Variants in SUPT6H observed in about 807,000 individuals in gnomAD.
SUPT6H encodes the protein SPT6 homolog, histone chaperone and transcription elongation factor, also known as transcription elongation factor SPT6.
In SUPT6H, 11 loss-of-function variants were observed where a neutral mutation model predicts 222.3. The ratio of observed to expected loss-of-function variants is 0.05; its 90% CI spans 0.03 to 0.08. The LOEUF is 0.08. Ranked by LOEUF, SUPT6H falls within the 10% of genes least tolerant of loss-of-function variation. SUPT6H has a pLI of 1.00. For synonymous variants in SUPT6H, 762 were observed against 801.2 expected (o/e 0.95, Z 0.83); for missense variants, 1,422 against 2,216.0 (o/e 0.64, Z 7.19).
intron 28 of SUPT6H, chr17:28,694,966 T>C (rs2031829172): frequency 3.3e-5 from 6 of 183,244 alleles, no homozygotes; most frequent in Admixed American, 2.8e-4. Context: ...ATCACACCAC[T>C]GCACTCTAGT....
rs554579156 is a variant in SUPT6H, at chr17:28,683,006, C to T, written c.1792C>T (p.Arg598Cys). 8 of 1,613,926 alleles carry T rather than the reference C, an allele frequency of 5.0e-6. No individual in the cohort carries two copies. Among genetic ancestry groups the T allele is most frequent in the Admixed American group, 1.7e-5 (1 of 59,976 alleles). ...ARYMVALQIA[R>C]EPLVRQVLRQ... is the part of the protein sequence containing the mutation. Reference sequence around the variant, plus strand: ...CTACATGGTAGCCCTGCAGATTGCCCGTGAGCCCCTTGTCCGGCAGGTGCT... The same window carrying T: ...CTACATGGTAGCCCTGCAGATTGCCTGTGAGCCCCTTGTCCGGCAGGTGCT... Residue 598 changes from arginine to cysteine, a missense_variant, in exon 15 of 37, where the codon CGT (arginine) becomes TGT (cysteine). Transcript: ENST00000314616.
chr17:28,681,278 G>C lies in SUPT6H; in HGVS notation c.1372G>C (p.Asp458His). The change falls in exon 12 of 37, where the codon GAT becomes CAT. Residue 458 changes from aspartate (D) to histidine (H), a missense_variant. Physicochemically the swap from Asp to His is moderately conservative, Grantham distance 81. Transcript: ENST00000314616. The part of the protein sequence containing the change: ...MERLKDVQSM[D>H]ELKDVYNHFL... ...CAGGCTCAAGGATGTCCAATCAATG[G>C]ATGAGCTGAAAGATGTCTACAACCA... 6.2e-7 allele frequency: 1 copy of C among 1,613,980 alleles called. No individual in the cohort carries two copies. The highest frequency in any genetic ancestry group is 8.5e-7 in the Non-Finnish European group (1 of 1,180,006).
At chr17:28,689,316 T>C (rs1359469212) in intron 24 of SUPT6H, 38 bp from the exon 25 acceptor site, 2 of 1,604,380 alleles carry the variant, frequency 1.2e-6, no homozygotes, top group East Asian at 2.2e-5. Context: ...TAGAAGCTTA[T>C]CGTTCTATAT....
intron 19 of SUPT6H, among the ~76,000 whole-genome samples, chr17:28,685,284 TC>T (rs1196834361): frequency 6.6e-6 from 1 of 152,152 alleles, no homozygotes; most frequent in Non-Finnish European, 1.5e-5. Flanking sequence ...GCCAGCCTTT[TC>T]CCTGCTTTAG....
intron 28 of SUPT6H, 53 bp from the exon 29 acceptor site, chr17:28,695,299 C>T: frequency 6.4e-7 from 1 of 1,553,866 alleles, no homozygotes; most frequent in South Asian, 1.2e-5. Flanking sequence ...TGAAATAGGG[C>T]ATCGGGCTAG....
intron 1 of SUPT6H, among the ~76,000 whole-genome samples, chr17:28,663,827 C>CTTTTTTTTTTTTTTTTTTTTTTT (rs1567681347): frequency 8.3e-4 from 7 of 8,408 alleles, no homozygotes; most frequent in African/African-American, 2.0e-3. Context: ...CTGCCCACTC[C>CTTTTTTTTTTTTTTTTTTTTTTT]ATTTTTTTTT....
Position 28,674,626 on chromosome 17 carries a change from C to A in SUPT6H, c.345+13C>A, listed in dbSNP as rs376492598. On this transcript the variant is annotated intron_variant, in intron 4 of 36. Transcript: ENST00000314616. ...AGTCAAAAGAGGAGTAAGTGTCATT[C>A]TTTGTCTTTTGTCCCTGGGGGTAAA... The A allele has an allele frequency of 3.2e-5, 51 of 1,613,002 alleles. No individual in the cohort carries two copies. The highest frequency in any genetic ancestry group is 4.0e-5 in the Non-Finnish European group (47 of 1,179,140).
chr17:28,670,894 A>AG (rs1365889808), intron 1 of SUPT6H: 1 of 153,182 alleles, frequency 6.5e-6, no homozygotes, highest in Admixed American at 6.5e-5. Context: ...TCAAAAAAAA[A>AG]AAAGAAAGAA....
At chr17:28,681,835 A>T in intron 12 of SUPT6H, 47 bp from the exon 13 acceptor site, 1 of 1,523,750 alleles carries the variant, frequency 6.6e-7, no homozygotes, top group Non-Finnish European at 8.9e-7. Flanking sequence ...GATCCTTGGG[A>T]GTGATTGGAA....
At chr17:28,682,153 G>A (rs2031147749) in intron 13 of SUPT6H, 173 bp downstream of exon 13, 5 of 520,926 alleles carry the variant, frequency 9.6e-6, no homozygotes, top group South Asian at 2.8e-5. Context: ...ACCCATTCCC[G>A]CCCGACATGA....
chr17:28,693,964 A>T, intron 28 of SUPT6H, 128 bp downstream of exon 28: 1 of 1,280,734 alleles, frequency 7.8e-7, no homozygotes, highest in Non-Finnish European at 1.1e-6. Context: ...GAAGTGTTTC[A>T]GGGAAGATTT....
At position 28,682,822 on chromosome 17, in the gene SUPT6H, G is replaced by C; in HGVS notation, c.1693G>C (p.Glu565Gln). ...GCACGAGACAGAGCAGTTTCCCGCG[G>C]AGCCCTTGGAGCTGGCCAAGGATTA... ...QRHETEQFPA[E>Q]PLELAKDYVC... The change falls in exon 14 of 37, where the codon GAG (glutamate) becomes CAG (glutamine). Residue 565 changes from glutamate to glutamine, a missense_variant. Coordinates refer to ENST00000314616, the MANE Select transcript of SUPT6H (RefSeq NM_003170.5). 1.2e-6 allele frequency: 2 copies of C among 1,614,204 alleles called. No individual in the cohort carries two copies. Among genetic ancestry groups the C allele is most frequent in the Non-Finnish European group, 1.7e-6 (2 of 1,180,042 alleles).
At chr17:28,683,518 A>C in intron 16 of SUPT6H, 96 bp downstream of exon 16, 3 of 1,582,934 alleles carry the variant, frequency 1.9e-6, no homozygotes, top group Non-Finnish European at 2.6e-6. Flanking sequence ...CCACAATTTC[A>C]GAGTTGAGCA....
chr17:28,679,939 G>A (rs1181072504), intron 11 of SUPT6H, among the ~76,000 whole-genome samples: 3 of 144,426 alleles, frequency 2.1e-5, no homozygotes, highest in Admixed American at 7.2e-5. Context: ...GCAGCGAGCC[G>A]AGATCGTGCC....
At chr17:28,691,267 C>T (rs1056371351) in intron 27 of SUPT6H, 3 of 652,628 alleles carry the variant, frequency 4.6e-6, no homozygotes, top group Middle Eastern at 4.5e-4. Context: ...TGGCTCACGC[C>T]TATAATCCTA....
intron 4 of SUPT6H, 130 bp from the exon 5 acceptor site, chr17:28,674,840 A>T: frequency 8.5e-7 from 1 of 1,181,896 alleles, no homozygotes; most frequent in Non-Finnish European, 1.2e-6. Context: ...CAAGAGCATC[A>T]CTCGGCATGT....
At chr17:28,662,776 CTT>C (rs2072081528) in intron 1 of SUPT6H, among the ~76,000 whole-genome samples, 1 of 152,304 alleles carries the variant, frequency 6.6e-6, no homozygotes, top group South Asian at 2.1e-4. Context: ...AATTCCAGCT[CTT>C]TACATATTGC....
chr17:28,687,581 G>T, intron 23 of SUPT6H, 110 bp downstream of exon 23: 1 of 1,243,674 alleles, frequency 8.0e-7, no homozygotes, highest in Non-Finnish European at 1.1e-6. Flanking sequence ...TCAGTGACTT[G>T]TCCAAAATCA....
chr17:28,684,989 T>A (rs1419896532), intron 19 of SUPT6H, 28 bp downstream of exon 19: 1 of 1,589,490 alleles, frequency 6.3e-7, no homozygotes, highest in Non-Finnish European at 8.6e-7. Flanking sequence ...GGATACTAAG[T>A]GTACATCTGG....
Sources: gnomAD v4.1 joint callset for allele counts (sites outside exome capture counted in the v4.1 genomes callset) on GRCh38, gnomAD v4.1.1 for gene constraint, MANE v1.5 for transcripts, NCBI Gene and HGNC (gene_info 2026-07-23, HGNC 2026-07-21) for gene names.